Variants in CASD1 observed in about 807,000 individuals in gnomAD.
The protein encoded by CASD1 is CAS1 domain sialic acid O acetyltransferase 1.
A neutral mutation model predicts 100.0 loss-of-function variants in CASD1; 41 were observed. That is an observed-to-expected ratio of 0.41 (90% CI 0.32 to 0.53). CASD1 has a LOEUF of 0.53. Among genes scored for constraint, CASD1 ranks in the 20% least tolerant of loss-of-function variants. CASD1 has a pLI of 0.25. For missense variants in CASD1, 774 were observed against 948.7 expected (o/e 0.82, Z 2.42); for synonymous variants, 321 against 315.6 (o/e 1.02, Z -0.18).
At chr7:94,578,157 CA>C in the CASD1 span, among the ~76,000 whole-genome samples, 1 of 152,134 alleles carries the variant, frequency 6.6e-6, no homozygotes, top group Non-Finnish European at 1.5e-5. Context: ...TTAATGCTGA[CA>C]ATTTTTACCA....
chr7:94,607,911 G>A, the CASD1 span, among the ~76,000 whole-genome samples: 1 of 152,178 alleles, frequency 6.6e-6, no homozygotes, highest in Admixed American at 6.5e-5. Context: ...TTACAGCAAC[G>A]TTGCAGGAAT....
In CASD1 at chr7:94,533,676, T is replaced by C. The variant is rs1794966928; in HGVS notation, c.505-3T>C. 3 of 1,589,962 alleles carry C rather than the reference T, an allele frequency of 1.9e-6. No homozygotes were observed. Among genetic ancestry groups the C allele is most frequent in the Non-Finnish European group, 2.6e-6 (3 of 1,169,496 alleles). Reference sequence around the variant, plus strand: ...TTAATGCATAATTTGTACTTCTTTTTAGTGGTCCATCAAGATTCACAATGG... The same window carrying C: ...TTAATGCATAATTTGTACTTCTTTTCAGTGGTCCATCAAGATTCACAATGG... On this transcript the variant is annotated splice_polypyrimidine_tract_variant and splice_region_variant and intron_variant, in intron 6 of 17. Transcript: ENST00000297273.
the CASD1 span, among the ~76,000 whole-genome samples, chr7:94,582,066 G>A: frequency 8.6e-5 from 13 of 151,982 alleles, no homozygotes; most frequent in Admixed American, 8.5e-4. Context: ...TTTAATAATA[G>A]CCATTCTGAC....
At chr7:94,584,949 T>C in the CASD1 span, 3 of 152,908 alleles carry the variant, frequency 2.0e-5, no homozygotes, top group East Asian at 1.9e-4. Context: ...CCTGCATGAA[T>C]TGGGTGTCAT....
chr7:94,543,909 A>G (rs1444372418), intron 10 of CASD1, among the ~76,000 whole-genome samples: 1 of 152,224 alleles, frequency 6.6e-6, no homozygotes. Context: ...GTCATGATGA[A>G]GACAGTGATG....
At chr7:94,587,440 C>T in the CASD1 span, 49 of 1,174,922 alleles carry the variant, frequency 4.2e-5, no homozygotes, top group Non-Finnish European at 4.7e-5. Flanking sequence ...AAATCTTAGG[C>T]GAGATGGAAG....
rs745798635 is a variant in CASD1, at chr7:94,555,733, C to T, written c.2369C>T (p.Ser790Phe). The change falls in exon 18 of 18, where the codon TCC becomes TTC. Residue 790 changes from serine to phenylalanine, a missense_variant. Around this residue, in one of 5 missense-constraint regions of CASD1, gnomAD observed 175 missense variants for 206.9 expected, o/e 0.85. Transcript: ENST00000297273. ...AFFCGLLILS[S>F]IQDKSKH is the part of the protein sequence containing the mutation. ...TTTTGTGGACTCCTCATCTTATCAT[C>T]CATTCAAGATAAATCAAAACATTAG... 1.2e-6 allele frequency: 2 copies of T among 1,612,818 alleles called. No homozygotes were observed. Among genetic ancestry groups the T allele is most frequent in the East Asian group, 4.5e-5 (2 of 44,834 alleles).
At chr7:94,601,807 G>T in the CASD1 span, among the ~76,000 whole-genome samples, 100 of 152,166 alleles carry the variant, frequency 6.6e-4, no homozygotes, top group African/African-American at 2.3e-3. Flanking sequence ...CACATTGGCG[G>T]CTTGTTGTCC....
intron 7 of CASD1, among the ~76,000 whole-genome samples, 156 bp downstream of exon 7, chr7:94,533,958 C>T (rs1008597105): frequency 6.6e-6 from 1 of 151,940 alleles, no homozygotes; most frequent in African/African-American, 2.4e-5. Context: ...ATTTGCTCTC[C>T]TTTTTCAAAT....
chr7:94,535,083 T>C (rs1795055246), intron 7 of CASD1, among the ~76,000 whole-genome samples: 2 of 152,210 alleles, frequency 1.3e-5, no homozygotes, highest in South Asian at 4.1e-4. Flanking sequence ...GGACAAAAGT[T>C]CTTTAAATTT....
chr7:94,594,311 TA>T, the CASD1 span: 1 of 152,194 alleles, frequency 6.6e-6, no homozygotes, highest in African/African-American at 2.4e-5. Context: ...CAAATGTCTA[TA>T]GGGGAAAAAA....
At chr7:94,543,675 A>T (rs1270185779) in intron 10 of CASD1, among the ~76,000 whole-genome samples, 1 of 151,230 alleles carries the variant, frequency 6.6e-6, no homozygotes, top group African/African-American at 2.4e-5. Context: ...AAGGCAGTGT[A>T]CAAGTTATGC....
At chr7:94,567,489 A>G in the CASD1 span, among the ~76,000 whole-genome samples, 1 of 152,166 alleles carries the variant, frequency 6.6e-6, no homozygotes. Context: ...AAGCATGTGT[A>G]TACTTCATTT....
chr7:94,588,338 T>C, the CASD1 span: 1 of 1,089,632 alleles, frequency 9.2e-7, no homozygotes, highest in South Asian at 3.0e-5. Context: ...TTCAAGCTGC[T>C]CACTTACTGA....
At chr7:94,608,149 G>GC in the CASD1 span, among the ~76,000 whole-genome samples, 2 of 152,096 alleles carry the variant, frequency 1.3e-5, no homozygotes, top group Non-Finnish European at 2.9e-5. Flanking sequence ...TTTGAGACCA[G>GC]CCTGGCCAAC....
chr7:94,524,430 GT>G (rs917147859), intron 3 of CASD1, among the ~76,000 whole-genome samples: 10 of 151,998 alleles, frequency 6.6e-5, no homozygotes, highest in African/African-American at 2.4e-4. Context: ...GTGGAAGTGA[GT>G]TTTTTTTATA....
chr7:94,539,161 A>G, intron 10 of CASD1, 105 bp downstream of exon 10: 1 of 485,420 alleles, frequency 2.1e-6, no homozygotes, highest in South Asian at 4.6e-5. Flanking sequence ...TACCAGTTAT[A>G]GACCCTTCTT....
At chr7:94,548,500 C>A (rs1795789348) in intron 13 of CASD1, among the ~76,000 whole-genome samples, 1 of 151,568 alleles carries the variant, frequency 6.6e-6, no homozygotes, top group African/African-American at 2.4e-5. Flanking sequence ...CAGATTGCCA[C>A]TCTTAGTAAA....
chr7:94,528,156 C>T (rs749663816), intron 4 of CASD1, 32 bp from the exon 5 acceptor site: 11 of 1,475,314 alleles, frequency 7.5e-6, no homozygotes, highest in Non-Finnish European at 1.0e-5. Flanking sequence ...GTTTCTTCAA[C>T]TTTTTCTTTA....
Sources: gnomAD v4.1 joint callset for allele counts (sites outside exome capture counted in the v4.1 genomes callset) on GRCh38, gnomAD v4.1.1 for gene constraint, gnomAD v4.1.1 regional missense constraint, MANE v1.5 for transcripts, NCBI Gene and HGNC (gene_info 2026-07-23, HGNC 2026-07-21) for gene names.